The following GOLGA8A variants were observed in gnomAD, a reference collection of about 807,000 sequenced individuals.
GOLGA8A encodes the protein golgin subfamily A member 8A.
In GOLGA8A, 3 loss-of-function variants were observed where a neutral mutation model predicts 22.1. That is an observed-to-expected ratio of 0.14 (90% confidence interval 0.06 to 0.35). The LOEUF is 0.35. Ranked by LOEUF, GOLGA8A falls within the 10% of genes least tolerant of loss-of-function variation. The pLI is 1.00. For synonymous variants in GOLGA8A, 7 were observed against 91.7 expected (o/e 0.08, Z 5.28); for missense variants, 16 against 233.2 (o/e 0.07, Z 6.07).
chr15:34,426,190 C>T lies in GOLGA8A; in HGVS notation c.-1123+9193G>A, dbSNP rs139939494. On this transcript the variant is annotated intron_variant, in intron 2 of 24. Coordinates refer to ENST00000359187, the MANE Select transcript of GOLGA8A (RefSeq NM_181077.5). ...CAGCATTCTCCGTGAGTGTGAAAAA[C>T]GGAACAACCCAAAAGTTCAATAAAT... Among the ~76,000 whole-genome samples the T allele has an allele frequency of 4.0e-3, 600 of 149,514 alleles. 48 individuals carry two copies. Among genetic ancestry groups the T allele is most frequent in the African/African-American group, 0.014 (559 of 40,600 alleles).
chr15:34,428,014 G>A (rs2140283509), intron 2 of GOLGA8A, among the ~76,000 whole-genome samples: 1 of 148,674 alleles, frequency 6.7e-6, no homozygotes, highest in Middle Eastern at 3.4e-3. Context: ...TCATCAAGAT[G>A]ATACAAAGGT....
intron 2 of GOLGA8A, among the ~76,000 whole-genome samples, chr15:34,434,116 G>C (rs75679307): frequency 6.7e-6 from 1 of 149,592 alleles, no homozygotes; most frequent in African/African-American, 2.5e-5. Flanking sequence ...GGATGGGGTG[G>C]GGACAACCCA....
At position 34,380,151 on chromosome 15, in the gene GOLGA8A, TTACTTTC is replaced by T. The variant is rs1891409412; in HGVS notation, c.*1253_*1259del. 6.6e-6 allele frequency: 1 copy of T among 152,326 alleles called. No individual in the cohort carries two copies. The highest frequency in any genetic ancestry group is 6.5e-5 in the Admixed American group (1 of 15,288). The allele number at this position is 152,326 out of a possible 1,614,324, so 9.4% of individuals were successfully genotyped here. ...TATTAGTTTATAATAATGTTTGTTATTACTTTCTAAAGTGTTTTCCACTCAAGGAAAA... is the reference window on the plus strand; with the variant it reads ...TATTAGTTTATAATAATGTTTGTTATTAAAGTGTTTTCCACTCAAGGAAAA... On this transcript the variant is annotated 3_prime_UTR_variant, in exon 25 of 25. Transcript: ENST00000359187.
Position 34,381,246 on chromosome 15 carries a change from T to C in GOLGA8A, c.*165A>G, listed in dbSNP as rs1406224553. On this transcript the variant is annotated 3_prime_UTR_variant, in exon 25 of 25. Transcript: ENST00000359187. ...CAGTGAGAGCCACAGAGACCCACTC[T>C]CTTTTAACTTTTTACAAATAAACTT... 9.0e-7 allele frequency: 1 copy of C among 1,108,584 alleles called. No individual in the cohort carries two copies. Among genetic ancestry groups the C allele is most frequent in the South Asian group, 1.5e-5 (1 of 68,586 alleles). 68.7% of individuals were successfully genotyped at this position (1,108,584 alleles called of 1,614,324 possible). A position where few individuals can be genotyped will look rare whatever the true frequency, so the allele number is the denominator to read the frequency against.
At chr15:34,434,302 T>C (rs74007822) in intron 2 of GOLGA8A, among the ~76,000 whole-genome samples, 2,010 of 149,614 alleles carry the variant, frequency 0.013, 190 homozygotes, top group African/African-American at 0.046. Flanking sequence ...CTGGGCCAAC[T>C]TGCAGACTCA....
intron 5 of GOLGA8A, 112 bp from the exon 6 acceptor site, chr15:34,400,871 C>G (rs1444593298): frequency 2.4e-5 from 3 of 124,260 alleles, no homozygotes; most frequent in African/African-American, 5.4e-5. Flanking sequence ...AAGTACGAAG[C>G]TTTTAGAAAA....
intron 2 of GOLGA8A, among the ~76,000 whole-genome samples, chr15:34,432,179 T>A (rs1967143): frequency 6.7e-6 from 1 of 148,894 alleles, no homozygotes; most frequent in East Asian, 2.0e-4. Context: ...CCTGGAGGGC[T>A]AGCTCCCAGA....
rs1891558038 is a variant in GOLGA8A at position 34,381,979 on chromosome 15, CCTT to C, written c.1439_1441del (p.Gln480_Gly481delinsArg). On this transcript the variant is annotated inframe_deletion, in exon 23 of 25. Transcript: ENST00000359187. ...GTTGCACACCCTACCTTCCTCTCCT[CCTT>C]GTCCTGGGCCAGCCTGATGATGGCC... 7.8e-6 allele frequency: 3 copies of C among 384,096 alleles called. No homozygotes were observed. The highest frequency in any genetic ancestry group is 1.3e-5 in the Non-Finnish European group (3 of 224,296). 23.8% of individuals were successfully genotyped at this position (384,096 alleles called of 1,614,324 possible).
intron 5 of GOLGA8A, among the ~76,000 whole-genome samples, chr15:34,404,494 T>TA (rs1430246753): frequency 6.0e-5 from 9 of 150,466 alleles, no homozygotes; most frequent in Admixed American, 6.6e-5. Flanking sequence ...TGACCGTGGC[T>TA]AGGGACGGTG....
rs1186001320 is a variant in GOLGA8A at position 34,379,947 on chromosome 15, G to C, written c.*1464C>G. 3 of 152,600 alleles carry C rather than the reference G, an allele frequency of 2.0e-5. No homozygotes were observed. The highest frequency in any genetic ancestry group is 4.8e-5 in the African/African-American group (2 of 41,422). The allele number at this position is 152,600 out of a possible 1,614,324, so 9.5% of individuals were successfully genotyped here. A position where few individuals can be genotyped will look rare whatever the true frequency, so the allele number is the denominator to read the frequency against. ...TCACTCTTCGTAAAGAAGTTTGTGA[G>C]GAAATACAACTCTGCGATCGTATAG... On this transcript the variant is annotated 3_prime_UTR_variant, in exon 25 of 25. Coordinates refer to ENST00000359187, the MANE Select transcript of GOLGA8A (RefSeq NM_181077.5).
chr15:34,424,524 C>A (rs1376486652), intron 2 of GOLGA8A, among the ~76,000 whole-genome samples: 1 of 146,288 alleles, frequency 6.8e-6, no homozygotes, highest in South Asian at 2.3e-4. Flanking sequence ...AAGGCAACAA[C>A]TTTTCTACAG....
Position 34,420,047 on chromosome 15 carries a change from G to C in GOLGA8A, c.-1122-12312C>G, listed in dbSNP as rs201682008. On this transcript the variant is annotated intron_variant, in intron 2 of 24. Transcript: ENST00000359187. ...ATGGTGGTGATGGCTGCACAACACT[G>C]TGAGTGTATTTAATGCCACAGAATC... The C allele has an allele frequency of 5.3e-4, 79 of 148,748 alleles. 2 individuals are homozygous for C. The highest frequency in any genetic ancestry group is 1.4e-3 in the African/African-American group (57 of 39,430). 9.2% of individuals were successfully genotyped at this position (148,748 alleles called of 1,614,324 possible). A position where few individuals can be genotyped will look rare whatever the true frequency, so the allele number is the denominator to read the frequency against.
At chr15:34,424,010 GGA>G (rs1892884685) in intron 2 of GOLGA8A, among the ~76,000 whole-genome samples, 1 of 147,764 alleles carries the variant, frequency 6.8e-6, no homozygotes, top group Admixed American at 6.8e-5. Context: ...TAGCACCTGA[GGA>G]GACCCTCTGA....
rs1256255090 is a variant in GOLGA8A at position 34,437,735 on chromosome 15, C to T, written c.-1549G>A. ...CGCCGCGCCGCTGCCGGGTCTCTCCCGGGGGCTGAGCTCCCGCAGAGCTCG... is the reference window on the plus strand; with the variant it reads ...CGCCGCGCCGCTGCCGGGTCTCTCCTGGGGGCTGAGCTCCCGCAGAGCTCG... On this transcript the variant is annotated 5_prime_UTR_variant, in exon 1 of 25. Transcript: ENST00000359187. Among the ~76,000 whole-genome samples, 2 of 146,472 alleles carry T rather than the reference C, an allele frequency of 1.4e-5. No homozygotes were observed. The highest frequency in any genetic ancestry group is 3.0e-5 in the Non-Finnish European group (2 of 66,298).
At position 34,380,719 on chromosome 15, in the gene GOLGA8A, G is replaced by C. The variant is rs1313823070; in HGVS notation, c.*692C>G. Reference sequence around the variant, plus strand: ...ACTGCTCATTCTTGGCACCGGAACAGATGAAACACACTGTATCCTGCACAT... The same window carrying C: ...ACTGCTCATTCTTGGCACCGGAACACATGAAACACACTGTATCCTGCACAT... On this transcript the variant is annotated 3_prime_UTR_variant, in exon 25 of 25. Coordinates refer to ENST00000359187, the MANE Select transcript of GOLGA8A (RefSeq NM_181077.5). The C allele has an allele frequency of 6.1e-6, 1 of 163,048 alleles. No homozygotes were observed. Among genetic ancestry groups the C allele is most frequent in the Non-Finnish European group, 1.4e-5 (1 of 73,436 alleles). 10.1% of individuals were successfully genotyped at this position (163,048 alleles called of 1,614,324 possible).
chr15:34,424,965 T>C lies in GOLGA8A; in HGVS notation c.-1123+10418A>G, dbSNP rs1462635567. Among the ~76,000 whole-genome samples, 5 of 143,768 alleles carry C rather than the reference T, an allele frequency of 3.5e-5. No individual in the cohort carries two copies. The South Asian group carries it at 7.0e-4, about 20-fold the overall frequency. 94.3% of individuals were successfully genotyped at this position (143,768 alleles called of 152,430 possible). A position where few individuals can be genotyped will look rare whatever the true frequency, so the allele number is the denominator to read the frequency against. On this transcript the variant is annotated intron_variant, in intron 2 of 24. Transcript: ENST00000359187. ...AAACACAAAAATTAGCCAGGCGTGG[T>C]GGACCCCGCTACTTGGGAGGCTGAG...
At chr15:34,402,679 C>A (rs1892068937) in intron 5 of GOLGA8A, among the ~76,000 whole-genome samples, 1 of 5,944 alleles carries the variant, frequency 1.7e-4, no homozygotes, top group Non-Finnish European at 3.5e-4. Context: ...AGCCTCCCAC[C>A]ATCCATAGTA....
At chr15:34,429,531 G>T (rs76257626) in intron 2 of GOLGA8A, among the ~76,000 whole-genome samples, 1 of 148,554 alleles carries the variant, frequency 6.7e-6, no homozygotes, top group African/African-American at 2.5e-5. Flanking sequence ...CCAACCTACC[G>T]TGGGGCTCTC....
In GOLGA8A at chr15:34,437,706, T is replaced by A. The variant is rs1423191894; in HGVS notation, c.-1520A>T. ...CGCCGCCGTCCTCGCCGCGCCGCCGTCCTCGCCGCGCCGCTGCCGGGTCTC... is the reference window on the plus strand; with the variant it reads ...CGCCGCCGTCCTCGCCGCGCCGCCGACCTCGCCGCGCCGCTGCCGGGTCTC... On this transcript the variant is annotated 5_prime_UTR_variant, in exon 1 of 25. Coordinates refer to ENST00000359187, the MANE Select transcript of GOLGA8A (RefSeq NM_181077.5). Among the ~76,000 whole-genome samples, 2 of 134,414 alleles carry A rather than the reference T, an allele frequency of 1.5e-5. No homozygotes were observed. Among genetic ancestry groups the A allele is most frequent in the African/African-American group, 5.4e-5 (2 of 37,232 alleles). The allele number at this position is 134,414 out of a possible 152,430, so 88.2% of individuals were successfully genotyped here.
Sources: allele counts gnomAD v4.1 joint callset (sites outside exome capture counted in the v4.1 genomes callset), GRCh38; gene constraint gnomAD v4.1.1; transcripts MANE v1.5; gene names NCBI Gene and HGNC (gene_info 2026-07-23, HGNC 2026-07-21).